Variants in ATOX1 observed in about 807,000 individuals in gnomAD.
ATOX1 encodes the protein antioxidant 1 copper chaperone.
Under a neutral mutation model 7.3 loss-of-function variants are expected in ATOX1, and 4 were observed. The ratio of observed to expected loss-of-function variants is 0.55; its 90% CI spans 0.27 to 1.25. The LOEUF is 1.25. Ranked by LOEUF, ATOX1 falls within the 50% of genes most tolerant of loss-of-function variation. The pLI is 0.12. For missense variants in ATOX1, 68 were observed against 81.6 expected (o/e 0.83, Z 0.64); for synonymous variants, 25 against 28.7 (o/e 0.87, Z 0.41).
At chr5:151,751,823 G>T (rs1350445699) in intron 1 of ATOX1, 44 bp from the exon 2 acceptor site, 2 of 1,563,540 alleles carry the variant, frequency 1.3e-6, no homozygotes, top group Admixed American at 3.8e-5. Context: ...CCTGTAGAGT[G>T]ACCCCCACAC....
At chr5:151,757,954 T>TA (rs555930719) in intron 1 of ATOX1, among the ~76,000 whole-genome samples, 204 of 152,310 alleles carry the variant, frequency 1.3e-3, no homozygotes, top group African/African-American at 4.6e-3. Context: ...GAGCAACTGG[T>TA]GACTGTGCGG....
In ATOX1 at chr5:151,752,042, C is replaced by T. The variant is rs996463185; in HGVS notation, c.7-263G>A. 39 of 597,076 alleles carry T rather than the reference C, an allele frequency of 6.5e-5. No individual in the cohort carries two copies. In the African/African-American group the frequency reaches 6.7e-4, roughly 10 times the overall value. The allele number at this position is 597,076 out of a possible 1,614,324, so 37.0% of individuals were successfully genotyped here. On this transcript the variant is annotated intron_variant, in intron 1 of 3. Transcript: ENST00000313115. The stretch of plus-strand genomic sequence containing the variant: ...GTCTGGCACATAGTAAATAGAATCA[C>T]CTGGAGATCTAGTTTAAAATGCTTT...
intron 1 of ATOX1, among the ~76,000 whole-genome samples, chr5:151,753,131 A>C (rs1761971415): frequency 6.6e-6 from 1 of 152,310 alleles, no homozygotes; most frequent in South Asian, 2.1e-4. Context: ...AAAGTGAGAG[A>C]TTGAACCCTC....
chr5:151,753,753 C>T (rs935432963), intron 1 of ATOX1: 4 of 152,158 alleles, frequency 2.6e-5, no homozygotes, highest in African/African-American at 7.2e-5. Context: ...GGATGTGGAG[C>T]GGGCCCTGCC....
intron 1 of ATOX1, among the ~76,000 whole-genome samples, chr5:151,755,495 C>T (rs1379021291): frequency 6.6e-6 from 1 of 152,194 alleles, no homozygotes; most frequent in East Asian, 1.9e-4. Flanking sequence ...ACCGCCAGCC[C>T]TCATAACCCT....
chr5:151,756,696 G>A (rs1467612850), intron 1 of ATOX1, among the ~76,000 whole-genome samples: 1 of 151,800 alleles, frequency 6.6e-6, no homozygotes. Flanking sequence ...TTGGTCTCAA[G>A]CTCCTGCATT....
At chr5:151,746,685 A>T (rs999441628) in intron 2 of ATOX1, 1 of 414,260 alleles carries the variant, frequency 2.4e-6, no homozygotes, top group African/African-American at 2.0e-5. Context: ...ATTCCTGAAC[A>T]TACAAAAACA....
intron 3 of ATOX1, chr5:151,745,207 A>T (rs541838676): frequency 3.3e-5 from 5 of 152,308 alleles, no homozygotes; most frequent in African/African-American, 1.2e-4. Flanking sequence ...AGGACCTACC[A>T]GTCAGTGTGG....
At chr5:151,743,097 G>C (rs1156684636) in intron 3 of ATOX1, 138 bp from the exon 4 acceptor site, 2 of 152,442 alleles carry the variant, frequency 1.3e-5, no homozygotes, top group Non-Finnish European at 2.9e-5. Context: ...AGGCAGGGGT[G>C]AGGTGGAAAA....
chr5:151,752,542 G>A (rs1484509171), intron 1 of ATOX1: 1 of 596,734 alleles, frequency 1.7e-6, no homozygotes, highest in African/African-American at 1.9e-5. Flanking sequence ...CTAATACTTG[G>A]AACAGTGCCT....
At chr5:151,746,538 C>T (rs921266876) in intron 2 of ATOX1, 89 bp from the exon 3 acceptor site, 26 of 1,545,586 alleles carry the variant, frequency 1.7e-5, no homozygotes, top group African/African-American at 1.6e-4. Flanking sequence ...AATTACTACT[C>T]ACAACCACCC....
intron 1 of ATOX1, among the ~76,000 whole-genome samples, chr5:151,754,811 C>G (rs1053356732): frequency 4.0e-5 from 6 of 151,636 alleles, no homozygotes; most frequent in African/African-American, 1.5e-4. Context: ...TGGTGAAACC[C>G]CATCTCTACT....
At chr5:151,752,950 T>G (rs756153388) in intron 1 of ATOX1, among the ~76,000 whole-genome samples, 10 of 152,208 alleles carry the variant, frequency 6.6e-5, no homozygotes, top group Non-Finnish European at 1.5e-4. Flanking sequence ...GGTTGGTCTG[T>G]GTGTCTTATA....
chr5:151,748,861 A>AAAACAAAC (rs374619344), intron 2 of ATOX1, among the ~76,000 whole-genome samples: 2 of 150,610 alleles, frequency 1.3e-5, no homozygotes, highest in African/African-American at 4.9e-5. Context: ...ACTCCCTCTC[A>AAAACAAAC]AAACAAACAA....
intron 1 of ATOX1, among the ~76,000 whole-genome samples, chr5:151,753,540 C>T (rs186406751): frequency 1.9e-4 from 29 of 152,272 alleles, no homozygotes; most frequent in Admixed American, 5.9e-4. Context: ...AAGTCTATTA[C>T]CTCAGTTGGA....
intron 3 of ATOX1, 126 bp downstream of exon 3, chr5:151,746,153 G>A: frequency 2.6e-6 from 2 of 773,712 alleles, no homozygotes; most frequent in Non-Finnish European, 4.0e-6. Flanking sequence ...AAAGAAGGTG[G>A]ACAGTGGATT....
At chr5:151,751,483 G>A (rs1761948185) in intron 2 of ATOX1, among the ~76,000 whole-genome samples, 1 of 151,956 alleles carries the variant, frequency 6.6e-6, no homozygotes, top group African/African-American at 2.4e-5. Flanking sequence ...GTTTAACATG[G>A]AGCTAGTAAA....
At position 151,751,799 on chromosome 5, in the gene ATOX1, A is replaced by G; in HGVS notation, c.7-20T>C. The G allele has an allele frequency of 6.3e-7, 1 of 1,592,590 alleles. No individual in the cohort carries two copies. The highest frequency in any genetic ancestry group is 8.5e-7 in the Non-Finnish European group (1 of 1,169,614). Reference sequence around the variant, plus strand: ...GTGCTTCTGAAACAAACACAGGGGGACCATGACCCGAGCCCTGTAGAGTGA... The same window carrying G: ...GTGCTTCTGAAACAAACACAGGGGGGCCATGACCCGAGCCCTGTAGAGTGA... On this transcript the variant is annotated intron_variant, in intron 1 of 3. Coordinates refer to ENST00000313115, the MANE Select transcript of ATOX1 (RefSeq NM_004045.4).
chr5:151,746,064 T>G (rs1426832951), intron 3 of ATOX1: 1 of 394,854 alleles, frequency 2.5e-6, no homozygotes, highest in East Asian at 5.3e-5. Flanking sequence ...CACAGTGCTC[T>G]GTCCACTCAC....
Sources: gnomAD v4.1 joint callset for allele counts (sites outside exome capture counted in the v4.1 genomes callset) on GRCh38, gnomAD v4.1.1 for gene constraint, MANE v1.5 for transcripts, NCBI Gene and HGNC (gene_info 2026-07-23, HGNC 2026-07-21) for gene names.